Variants in CSGALNACT1 observed in about 807,000 individuals in gnomAD.
The protein encoded by CSGALNACT1 is chondroitin sulfate N-acetylgalactosaminyltransferase 1.
CSGALNACT1 carries 52 observed loss-of-function variants against 51.0 expected under a neutral mutation model. The ratio of observed to expected loss-of-function variants is 1.02; its 90% CI spans 0.82 to 1.29. The LOEUF (loss-of-function observed/expected upper bound fraction) is 1.29. CSGALNACT1 is among the 50% of genes most tolerant of loss of function. The pLI is 0.00. For synonymous variants in CSGALNACT1, 341 were observed against 254.4 expected, an observed-to-expected ratio of 1.34 and a Z score of -3.24; for missense variants, 935 against 679.2, an observed-to-expected ratio of 1.38 and a Z score of -4.19.
intron 1 of CSGALNACT1, among the ~76,000 whole-genome samples, chr8:19,660,304 T>G (rs575385697): frequency 6.6e-6 from 1 of 152,338 alleles, no homozygotes; most frequent in East Asian, 1.9e-4. Flanking sequence ...CCAGACAAAC[T>G]TGAGTTACAG....
intron 3 of CSGALNACT1, among the ~76,000 whole-genome samples, chr8:19,519,941 G>A (rs769491873): frequency 2.6e-5 from 4 of 152,180 alleles, no homozygotes; most frequent in African/African-American, 7.2e-5. Context: ...GGATATCTGG[G>A]AACATTCCTA....
chr8:19,656,111 G>C (rs2154187300), intron 1 of CSGALNACT1, among the ~76,000 whole-genome samples: 1 of 152,310 alleles, frequency 6.6e-6, no homozygotes, highest in South Asian at 2.1e-4. Flanking sequence ...ATTCACTTCA[G>C]TCATCATGGA....
At chr8:19,560,105 G>A (rs1588339642) in intron 3 of CSGALNACT1, among the ~76,000 whole-genome samples, 1 of 152,288 alleles carries the variant, frequency 6.6e-6, no homozygotes, top group African/African-American at 2.4e-5. Context: ...ATGTTGCATA[G>A]GTAGTAAGTA....
Position 19,425,409 on chromosome 8 carries a change from C to T in CSGALNACT1, c.954-4891G>A, listed in dbSNP as rs189140122. 6.9e-4 allele frequency among the ~76,000 whole-genome samples: 105 copies of T among 152,314 alleles called. 1 individual carries two copies. The East Asian group carries it at 0.011, about 16-fold the overall frequency. On this transcript the variant is annotated intron_variant, in intron 6 of 9. Coordinates refer to ENST00000454498, the Ensembl canonical transcript of CSGALNACT1. ...GACAGTAGCTGTAACTTCACAACCC[C>T]GTGTCACAGTCTCATTTTCGTGACT...
At chr8:19,751,409 G>A (rs1490766514) in intron 1 of CSGALNACT1, among the ~76,000 whole-genome samples, 1 of 152,174 alleles carries the variant, frequency 6.6e-6, no homozygotes, top group Non-Finnish European at 1.5e-5. Context: ...TTTATCATGG[G>A]AAGAGAATTG....
intron 8 of CSGALNACT1, among the ~76,000 whole-genome samples, chr8:19,409,132 G>C (rs1472262945): frequency 1.3e-5 from 2 of 152,192 alleles, no homozygotes; most frequent in Non-Finnish European, 2.9e-5. Flanking sequence ...AGGAAGTTGA[G>C]AAAAGGGATA....
chr8:19,636,866 C>T (rs2056138087), intron 1 of CSGALNACT1, among the ~76,000 whole-genome samples: 1 of 152,098 alleles, frequency 6.6e-6, no homozygotes, highest in African/African-American at 2.4e-5. Flanking sequence ...CTGAAGAAAG[C>T]AAGGACATGC....
chr8:19,416,798 G>A (rs1228953399), intron 8 of CSGALNACT1, among the ~76,000 whole-genome samples: 1 of 152,122 alleles, frequency 6.6e-6, no homozygotes, highest in East Asian at 1.9e-4. Flanking sequence ...GCACAATGAT[G>A]AAATTGCCTG....
At chr8:19,575,007 C>T (rs2043862266) in intron 3 of CSGALNACT1, among the ~76,000 whole-genome samples, 1 of 151,876 alleles carries the variant, frequency 6.6e-6, no homozygotes. Flanking sequence ...TGCACTCCAG[C>T]CTGACAACAG....
intron 1 of CSGALNACT1, among the ~76,000 whole-genome samples, chr8:19,647,598 A>G (rs1460062238): frequency 2.0e-5 from 3 of 152,202 alleles, no homozygotes; most frequent in Non-Finnish European, 4.4e-5. Flanking sequence ...TTCTTACCAC[A>G]GATCGGAGTT....
chr8:19,479,559 A>G (rs962653434), intron 4 of CSGALNACT1, among the ~76,000 whole-genome samples: 2 of 152,112 alleles, frequency 1.3e-5, no homozygotes, highest in African/African-American at 4.8e-5. Flanking sequence ...ATTATGTTTT[A>G]ACTACAGTAT....
intron 1 of CSGALNACT1, among the ~76,000 whole-genome samples, chr8:19,644,709 CAAAAAAAAAAAAAAAAAAA>C (rs756025465): frequency 4.5e-5 from 1 of 22,292 alleles, no homozygotes; most frequent in Non-Finnish European, 9.6e-5. Context: ...GACTCCGTCT[CAAAAAAAAAAAAAAAAAAA>C]AAAAAAAAGA....
Position 19,457,845 on chromosome 8 carries a change from T to C in CSGALNACT1, c.851+581A>G, listed in dbSNP as rs182822189. The C allele has an allele frequency of 2.5e-4, 341 of 1,339,258 alleles. 1 individual carries two copies. In the East Asian group the frequency reaches 4.6e-3, roughly 18 times the overall value. 83.0% of individuals were successfully genotyped at this position (1,339,258 alleles called of 1,614,324 possible). On this transcript the variant is annotated intron_variant, in intron 5 of 9. Coordinates refer to ENST00000454498, the Ensembl canonical transcript of CSGALNACT1. ...AAAAATGAAACCCAGCTTAGTCTCA[T>C]TGAGTAGCTACAAAAATGTGGGCTT...
intron 4 of CSGALNACT1, among the ~76,000 whole-genome samples, chr8:19,461,555 C>A (rs1450986970): frequency 3.4e-5 from 5 of 148,072 alleles, no homozygotes; most frequent in Admixed American, 6.7e-5. Context: ...CCATGGGGGG[C>A]GTATCCGCAC....
At chr8:19,438,197 C>CGGGGGGGGG (rs913808381) in intron 6 of CSGALNACT1, among the ~76,000 whole-genome samples, 1 of 146,240 alleles carries the variant, frequency 6.8e-6, no homozygotes. Flanking sequence ...GGGCGGGGGT[C>CGGGGGGGGG]GGGGGGCAGC....
At chr8:19,671,639 A>G (rs945578503) in intron 1 of CSGALNACT1, among the ~76,000 whole-genome samples, 6 of 152,222 alleles carry the variant, frequency 3.9e-5, no homozygotes, top group African/African-American at 1.4e-4. Context: ...AGAGAAACAC[A>G]AAAGTCATTG....
At chr8:19,674,517 G>A (rs2060027454) in intron 1 of CSGALNACT1, among the ~76,000 whole-genome samples, 2 of 152,318 alleles carry the variant, frequency 1.3e-5, no homozygotes, top group South Asian at 2.1e-4. Context: ...GGTGTTTAGA[G>A]CCAGAGGAGG....
chr8:19,678,378 G>A (rs773506351), intron 1 of CSGALNACT1, among the ~76,000 whole-genome samples: 2 of 152,086 alleles, frequency 1.3e-5, no homozygotes, highest in South Asian at 2.1e-4. Flanking sequence ...AATAACCAAC[G>A]ACAGAGTACA....
chr8:19,651,279 A>T (rs2057778466), intron 1 of CSGALNACT1, among the ~76,000 whole-genome samples: 1 of 151,766 alleles, frequency 6.6e-6, no homozygotes, highest in Non-Finnish European at 1.5e-5. Context: ...TCCAACTTTT[A>T]TTTTAGGTTC....
Sources: allele counts gnomAD v4.1 joint callset (sites outside exome capture counted in the v4.1 genomes callset), GRCh38; gene constraint gnomAD v4.1.1; transcripts MANE v1.5; gene names NCBI Gene and HGNC (gene_info 2026-07-23, HGNC 2026-07-21).